The following SNX14 variants were observed in gnomAD, a reference collection of about 807,000 sequenced individuals.
The protein encoded by SNX14 is sorting nexin 14.
Under a neutral mutation model 133.8 loss-of-function variants are expected in SNX14, and 93 were observed. That is an observed-to-expected ratio of 0.70 (90% CI 0.59 to 0.83). SNX14 has a LOEUF of 0.83. Ranked by LOEUF, SNX14 falls within the 40% of genes least tolerant of loss-of-function variation. The probability of loss-of-function intolerance (pLI) is 0.00; values close to 1 mark genes in which losing one functional copy is unlikely to be tolerated. For missense variants in SNX14, 945 were observed against 1,094.9 expected, an observed-to-expected ratio of 0.86 and a Z score of 1.93; for synonymous variants, 368 against 365.6, an observed-to-expected ratio of 1.01 and a Z score of -0.07.
At chr6:85,556,093 A>G (rs1229528447) in intron 7 of SNX14, among the ~76,000 whole-genome samples, 2 of 152,232 alleles carry the variant, frequency 1.3e-5, no homozygotes, top group Non-Finnish European at 2.9e-5. Flanking sequence ...CAAGTAATGT[A>G]AGATGTTAAT....
intron 21 of SNX14, 40 bp downstream of exon 21, chr6:85,526,086 T>C: frequency 1.5e-6 from 2 of 1,311,768 alleles, no homozygotes; most frequent in Non-Finnish European, 2.1e-6. Context: ...CTGATTCTTT[T>C]CAGCTTATTA....
chr6:85,525,186 T>A (rs1435160843), intron 21 of SNX14, among the ~76,000 whole-genome samples: 3 of 152,158 alleles, frequency 2.0e-5, no homozygotes, highest in Non-Finnish European at 4.4e-5. Flanking sequence ...GTCTTCAGTA[T>A]CCCAGCAGAC....
intron 18 of SNX14, among the ~76,000 whole-genome samples, chr6:85,533,155 G>T (rs1020446495): frequency 6.6e-6 from 1 of 152,182 alleles, no homozygotes; most frequent in Non-Finnish European, 1.5e-5. Context: ...CCAAAGTACT[G>T]AGATTACAGG....
chr6:85,505,897 A>G lies in SNX14; in HGVS notation c.*70T>C. 2 of 1,105,844 alleles carry G rather than the reference A, an allele frequency of 1.8e-6. No individual in the cohort carries two copies. Among genetic ancestry groups the G allele is most frequent in the South Asian group, 1.3e-5 (1 of 78,202 alleles). 68.5% of individuals were successfully genotyped at this position (1,105,844 alleles called of 1,614,324 possible). A position where few individuals can be genotyped will look rare whatever the true frequency, so the allele number is the denominator to read the frequency against. On this transcript the variant is annotated 3_prime_UTR_variant, in exon 29 of 29. Coordinates refer to ENST00000314673, the MANE Select transcript of SNX14 (RefSeq NM_153816.6). ...CATAATATATATAAGAATATACCCA[A>G]AAAAGTAAATTTCTACCACCCTCGC...
chr6:85,584,185 T>G (rs981046924), intron 1 of SNX14, among the ~76,000 whole-genome samples: 2 of 152,222 alleles, frequency 1.3e-5, no homozygotes, highest in African/African-American at 2.4e-5. Flanking sequence ...TTGGGAAAAC[T>G]GGCTAGCCAT....
intron 27 of SNX14, 107 bp downstream of exon 27, chr6:85,507,861 T>C (rs1474221041): frequency 2.4e-5 from 15 of 623,196 alleles, no homozygotes; most frequent in Middle Eastern, 2.7e-4. Context: ...TTATATTGCC[T>C]TGGTTTAGTA....
chr6:85,582,114 T>A (rs1465874290), intron 1 of SNX14, among the ~76,000 whole-genome samples: 1 of 151,782 alleles, frequency 6.6e-6, no homozygotes, highest in Admixed American at 6.6e-5. Context: ...AAGAAACAAA[T>A]GACATACAAT....
rs1239630885 is a variant in SNX14, at chr6:85,547,500, A to G, written c.912+6T>C. ...TGAAGTGTTTTCTAATATATTCAAT[A>G]CTCACTGGACTGTCATCTATGAAGA... On this transcript the variant is annotated splice_donor_region_variant and intron_variant, in intron 10 of 28. Transcript: ENST00000314673. 1 of 1,604,114 alleles carries G rather than the reference A, an allele frequency of 6.2e-7. No individual in the cohort carries two copies. The highest frequency in any genetic ancestry group is 1.1e-5 in the South Asian group (1 of 88,330).
chr6:85,569,282 T>G (rs775286365), intron 4 of SNX14, among the ~76,000 whole-genome samples: 4 of 152,144 alleles, frequency 2.6e-5, no homozygotes, highest in Non-Finnish European at 5.9e-5. Context: ...TTCTTACCCC[T>G]TATACTGCAG....
chr6:85,553,213 G>A (rs1442906083), intron 7 of SNX14, among the ~76,000 whole-genome samples: 1 of 152,144 alleles, frequency 6.6e-6, no homozygotes, highest in Non-Finnish European at 1.5e-5. Flanking sequence ...GTTCAGTTTG[G>A]CAACAGTACT....
At chr6:85,565,866 T>C (rs1793655879) in intron 5 of SNX14, among the ~76,000 whole-genome samples, 2 of 152,200 alleles carry the variant, frequency 1.3e-5, no homozygotes, top group Admixed American at 1.3e-4. Flanking sequence ...AGAAATTAAA[T>C]GAACTGAAAC....
intron 21 of SNX14, among the ~76,000 whole-genome samples, chr6:85,523,660 G>A (rs962156341): frequency 6.6e-6 from 1 of 152,080 alleles, no homozygotes; most frequent in Non-Finnish European, 1.5e-5. Context: ...TAGTTCTCAG[G>A]AGGCTGAGGT....
intron 25 of SNX14, 85 bp from the exon 26 acceptor site, chr6:85,513,980 C>G: frequency 6.4e-7 from 1 of 1,557,808 alleles, no homozygotes; most frequent in Non-Finnish European, 8.7e-7. Context: ...TACTAATAAA[C>G]CAAAGCAAAA....
intron 7 of SNX14, among the ~76,000 whole-genome samples, chr6:85,557,154 T>G (rs1393597464): frequency 6.6e-6 from 1 of 152,212 alleles, no homozygotes; most frequent in Admixed American, 6.5e-5. Flanking sequence ...TGGTCATGTG[T>G]GTAGAGTGGT....
At chr6:85,574,421 C>G (rs887510149) in intron 1 of SNX14, 43 bp from the exon 2 acceptor site, 1 of 1,414,538 alleles carries the variant, frequency 7.1e-7, no homozygotes, top group Non-Finnish European at 9.6e-7. Flanking sequence ...AAAGAAAATG[C>G]CTAATTCTAA....
intron 21 of SNX14, among the ~76,000 whole-genome samples, chr6:85,523,566 G>A (rs147914809): frequency 6.6e-6 from 1 of 152,286 alleles, no homozygotes; most frequent in East Asian, 1.9e-4. Context: ...CTTGAACTTA[G>A]TTCAAGACCA....
At position 85,574,130 on chromosome 6, in the gene SNX14, AAGAG is replaced by A. The variant is rs1304628929; in HGVS notation, c.261+124_261+127del. The stretch of plus-strand genomic sequence containing the variant: ...GTACCTAAAAAAAACAAAAAAAAAA[AAGAG>A]AAGAAATTGAAAGAAAACAAATTTT... On this transcript the variant is annotated intron_variant, in intron 2 of 28. Coordinates refer to ENST00000314673, the MANE Select transcript of SNX14 (RefSeq NM_153816.6). 67 of 702,198 alleles carry A rather than the reference AAGAG, an allele frequency of 9.5e-5. No homozygotes were observed. The African/African-American group carries it at 1.0e-3, about 11-fold the overall frequency. The allele number at this position is 702,198 out of a possible 1,614,324, so 43.5% of individuals were successfully genotyped here. A position where few individuals can be genotyped will look rare whatever the true frequency, so the allele number is the denominator to read the frequency against.
At chr6:85,521,969 G>A (rs1056563961) in intron 21 of SNX14, among the ~76,000 whole-genome samples, 4 of 152,160 alleles carry the variant, frequency 2.6e-5, no homozygotes, top group African/African-American at 9.7e-5. Context: ...TGGATATCCA[G>A]TTTTCCCAGC....
At chr6:85,541,844 T>C (rs996498143) in intron 15 of SNX14, 141 bp downstream of exon 15, 5 of 533,736 alleles carry the variant, frequency 9.4e-6, no homozygotes, top group Non-Finnish European at 1.6e-5. Flanking sequence ...AATACAGTTC[T>C]ACAATTCACT....
Sources: gnomAD v4.1 joint callset for allele counts (sites outside exome capture counted in the v4.1 genomes callset) on GRCh38, gnomAD v4.1.1 for gene constraint, MANE v1.5 for transcripts, NCBI Gene and HGNC (gene_info 2026-07-23, HGNC 2026-07-21) for gene names.